Variants in SYNPR observed in about 807,000 individuals in gnomAD.
The protein encoded by SYNPR is synaptoporin.
A neutral mutation model predicts 32.9 loss-of-function variants in SYNPR; 23 were observed. The ratio of observed to expected loss-of-function variants is 0.70; its 90% confidence interval spans 0.50 to 0.99. The LOEUF is 0.99. SYNPR is among the 50% of genes least tolerant of loss of function. The pLI, the probability that SYNPR is intolerant of heterozygous loss-of-function variation, is 0.00. For synonymous variants in SYNPR, 146 were observed against 135.9 expected (o/e 1.07, Z -0.52); for missense variants, 318 against 349.3 (o/e 0.91, Z 0.71).
chr3:63,616,716 C>A lies in SYNPR; in HGVS notation c.*1235C>A, dbSNP rs976941947. On this transcript the variant is annotated 3_prime_UTR_variant, in exon 6 of 6. Transcript: ENST00000478300. The stretch of plus-strand genomic sequence containing the variant: ...TTTAACTCAGCTGAAACACCAGGAC[C>A]CAATAGAGAGGGCAAGCTGAGCATC... 6.6e-6 allele frequency: 1 copy of A among 152,502 alleles called. No homozygotes were observed. The highest frequency in any genetic ancestry group is 6.5e-5 in the Admixed American group (1 of 15,272). The allele number at this position is 152,502 out of a possible 1,614,324, so 9.4% of individuals were successfully genotyped here. A position where few individuals can be genotyped will look rare whatever the true frequency, so the allele number is the denominator to read the frequency against.
chr3:63,511,638 C>G (rs114468226), intron 3 of SYNPR, among the ~76,000 whole-genome samples: 1 of 152,102 alleles, frequency 6.6e-6, no homozygotes, highest in African/African-American at 2.4e-5. Context: ...TTCTTTGTCT[C>G]TCTGAGCATG....
At chr3:63,370,107 C>T (rs1174531177) in intron 2 of SYNPR, among the ~76,000 whole-genome samples, 1 of 152,050 alleles carries the variant, frequency 6.6e-6, no homozygotes, top group African/African-American at 2.4e-5. Context: ...TTTGATAGTG[C>T]ACATAATCAG....
rs183301743 is a variant in SYNPR, at chr3:63,500,757, G to A, written c.209+19801G>A. On this transcript the variant is annotated intron_variant, in intron 3 of 5. Transcript: ENST00000478300. ...ATCACTGCTCATTCACTGCTTTTGT[G>A]GTATTTCCAATTATTTCTAGCAAGC... is the stretch of plus-strand genomic sequence containing the variant. 3.3e-5 allele frequency among the ~76,000 whole-genome samples: 5 copies of A among 152,102 alleles called. No individual in the cohort carries two copies. In the East Asian group the frequency reaches 9.7e-4, roughly 29 times the overall value.
intron 4 of SYNPR, among the ~76,000 whole-genome samples, chr3:63,580,815 C>T (rs985119782): frequency 6.6e-6 from 1 of 152,176 alleles, no homozygotes; most frequent in Non-Finnish European, 1.5e-5. Context: ...CCTGTGGTAA[C>T]TACATCTGGA....
the SYNPR span, among the ~76,000 whole-genome samples, chr3:63,210,378 G>T: frequency 1.3e-5 from 2 of 152,214 alleles, no homozygotes; most frequent in African/African-American, 2.4e-5. Context: ...GAGCCTAAAA[G>T]AAATTTGATT....
At chr3:63,347,120 G>C (rs997641710) in intron 2 of SYNPR, among the ~76,000 whole-genome samples, 4 of 152,188 alleles carry the variant, frequency 2.6e-5, no homozygotes, top group South Asian at 4.1e-4. Context: ...TTGGGACAGA[G>C]TAAGTACTTC....
chr3:63,512,846 A>G lies in SYNPR; in HGVS notation c.209+31890A>G, dbSNP rs1398993821. ...CCACTAAGTTTGTGCTAATTTGTTCAAGCAGCCACAGAAAACTAATACGGG... is the reference window on the plus strand; with the variant it reads ...CCACTAAGTTTGTGCTAATTTGTTCGAGCAGCCACAGAAAACTAATACGGG... On this transcript the variant is annotated intron_variant, in intron 3 of 5. Coordinates refer to ENST00000478300, the MANE Select transcript of SYNPR (RefSeq NM_001130003.2). Among the ~76,000 whole-genome samples the G allele has an allele frequency of 2.0e-5, 3 of 152,164 alleles. No homozygotes were observed. In the East Asian group the frequency reaches 5.8e-4, roughly 29 times the overall value.
chr3:63,224,917 A>G (rs1489808661), upstream of SYNPR, among the ~76,000 whole-genome samples: 2 of 152,174 alleles, frequency 1.3e-5, no homozygotes, highest in African/African-American at 4.8e-5. Context: ...TCATTGTGTA[A>G]CAGCCCCAGA....
At position 63,278,314 on chromosome 3, in the gene SYNPR, C is replaced by T. The variant is rs911435693; in HGVS notation, c.-220C>T. 12 of 593,962 alleles carry T rather than the reference C, an allele frequency of 2.0e-5. No homozygotes were observed. Among genetic ancestry groups the T allele is most frequent in the African/African-American group, 7.5e-5 (4 of 53,456 alleles). The allele number at this position is 593,962 out of a possible 1,614,324, so 36.8% of individuals were successfully genotyped here. On this transcript the variant is annotated 5_prime_UTR_variant, in exon 1 of 6. Coordinates refer to ENST00000478300, the MANE Select transcript of SYNPR (RefSeq NM_001130003.2). ...CCCCAGCTCTTCCCTGCCCACCCCT[C>T]GCTGACTCGCTTCGCTTCCCCGACG...
rs36040199 is a variant in SYNPR, at chr3:63,427,146, TA to T, written c.85-53672del. On this transcript the variant is annotated intron_variant, in intron 2 of 5. Coordinates refer to ENST00000478300, the MANE Select transcript of SYNPR (RefSeq NM_001130003.2). ...TATAAAATGGCATGTTCTTTATCTT[TA>T]AAAAAAAAAAAAAGTATTACAAAGC... Among the ~76,000 whole-genome samples the T allele has an allele frequency of 3.1e-3, 441 of 140,230 alleles. 1 individual carries two copies. Among genetic ancestry groups the T allele is most frequent in the East Asian group, 0.022 (108 of 4,846 alleles). 92.0% of individuals were successfully genotyped at this position (140,230 alleles called of 152,430 possible).
chr3:63,400,741 G>C (rs1237673979), intron 2 of SYNPR, among the ~76,000 whole-genome samples: 1 of 152,182 alleles, frequency 6.6e-6, no homozygotes, highest in Non-Finnish European at 1.5e-5. Flanking sequence ...AGAATTTGTG[G>C]ACATATGTCA....
intron 2 of SYNPR, among the ~76,000 whole-genome samples, chr3:63,440,223 T>C (rs572311204): frequency 1.3e-5 from 2 of 152,126 alleles, no homozygotes; most frequent in East Asian, 3.9e-4. Flanking sequence ...GAGGAAAGAA[T>C]GTTCCAAGCA....
At chr3:63,271,548 T>G (rs533716335) in intron 3 of SYNPR, among the ~76,000 whole-genome samples, 1 of 152,158 alleles carries the variant, frequency 6.6e-6, no homozygotes, top group Non-Finnish European at 1.5e-5. Context: ...TTGGATTACA[T>G]ACTTTTGTTA....
intron 1 of SYNPR, among the ~76,000 whole-genome samples, chr3:63,238,744 A>G (rs1457997761): frequency 1.3e-5 from 2 of 152,162 alleles, no homozygotes; most frequent in African/African-American, 4.8e-5. Flanking sequence ...ATTTGTATTT[A>G]ATACAGATCA....
chr3:63,548,467 G>A (rs773095924), intron 3 of SYNPR, among the ~76,000 whole-genome samples: 1 of 152,070 alleles, frequency 6.6e-6, no homozygotes, highest in African/African-American at 2.4e-5. Flanking sequence ...AATCACATAA[G>A]CTGAGTAAGT....
intron 2 of SYNPR, among the ~76,000 whole-genome samples, chr3:63,401,500 C>A (rs1460369769): frequency 6.6e-6 from 1 of 152,130 alleles, no homozygotes; most frequent in Non-Finnish European, 1.5e-5. Flanking sequence ...CCATGCTGTT[C>A]CTAAGGACAA....
At chr3:63,479,515 C>T (rs988945361) in intron 2 of SYNPR, among the ~76,000 whole-genome samples, 2 of 151,910 alleles carry the variant, frequency 1.3e-5, no homozygotes, top group Non-Finnish European at 1.5e-5. Flanking sequence ...TTTCACAATG[C>T]CTTGTTATCG....
At chr3:63,425,694 G>A (rs748378854) in intron 2 of SYNPR, among the ~76,000 whole-genome samples, 15 of 151,766 alleles carry the variant, frequency 9.9e-5, no homozygotes, top group Non-Finnish European at 1.6e-4. Flanking sequence ...TCTCTGAACC[G>A]CAGTATTCAG....
intron 2 of SYNPR, among the ~76,000 whole-genome samples, chr3:63,390,345 A>G (rs1318853647): frequency 6.6e-6 from 1 of 152,224 alleles, no homozygotes; most frequent in Non-Finnish European, 1.5e-5. Context: ...AACCCAGGAA[A>G]GGAGGAATGA....
Sources: gnomAD v4.1 joint callset for allele counts (sites outside exome capture counted in the v4.1 genomes callset) on GRCh38, gnomAD v4.1.1 for gene constraint, MANE v1.5 for transcripts, NCBI Gene and HGNC (gene_info 2026-07-23, HGNC 2026-07-21) for gene names.